Variants in DOP1B observed in about 807,000 individuals in gnomAD.
The protein encoded by DOP1B is protein DOP1B.
DOP1B carries 174 observed loss-of-function variants against 233.5 expected under a neutral mutation model. The ratio of observed to expected loss-of-function variants is 0.75; its 90% CI spans 0.66 to 0.85. The LOEUF (loss-of-function observed/expected upper bound fraction) is 0.85, where lower values mean the gene tolerates loss of function less well. DOP1B is among the 40% of genes least tolerant of loss of function. The pLI, the probability that DOP1B is intolerant of heterozygous loss-of-function variation, is 0.00. For missense variants in DOP1B, 2,652 were observed against 2,846.6 expected, an observed-to-expected ratio of 0.93 and a Z score of 1.56; for synonymous variants, 1,190 against 1,185.6, an observed-to-expected ratio of 1.00 and a Z score of -0.08.
chr21:36,218,619 A>T (rs1203010867), intron 9 of DOP1B, among the ~76,000 whole-genome samples: 2 of 152,186 alleles, frequency 1.3e-5, no homozygotes, highest in Non-Finnish European at 2.9e-5. Flanking sequence ...GTTTTGTGAA[A>T]AGAAGTGTAA....
intron 30 of DOP1B, 31 bp from the exon 31 acceptor site, chr21:36,280,254 T>C: frequency 1.3e-6 from 2 of 1,496,098 alleles, no homozygotes; most frequent in Non-Finnish European, 1.9e-6. Flanking sequence ...CCACTGCAAA[T>C]TTAATTGATT....
At chr21:36,260,252 GAGGA>G (rs897692933) in intron 23 of DOP1B, among the ~76,000 whole-genome samples, 7 of 95,014 alleles carry the variant, frequency 7.4e-5, no homozygotes, top group Non-Finnish European at 9.9e-5. Context: ...GGAAGGGAGG[GAGGA>G]AGGAAGGAAG....
At chr21:36,281,058 C>CT (rs1404999367) in intron 31 of DOP1B, among the ~76,000 whole-genome samples, 1 of 152,160 alleles carries the variant, frequency 6.6e-6, no homozygotes, top group Non-Finnish European at 1.5e-5. Context: ...AATCCCAGCA[C>CT]TTTGAGTGGC....
chr21:36,199,523 G>C (rs996071418), intron 3 of DOP1B, among the ~76,000 whole-genome samples: 2 of 151,876 alleles, frequency 1.3e-5, no homozygotes, highest in Admixed American at 1.3e-4. Flanking sequence ...TGCCATGTTG[G>C]TGTGCTGCAC....
chr21:36,234,872 A>G (rs2066808806), intron 15 of DOP1B, among the ~76,000 whole-genome samples: 2 of 151,950 alleles, frequency 1.3e-5, no homozygotes, highest in Admixed American at 1.3e-4. Context: ...GTAATATTGT[A>G]TATATATATG....
At chr21:36,176,097 C>CATGTGTGTGTGTGTGTGTGTGTGTGT (rs1555886144) in intron 2 of DOP1B, among the ~76,000 whole-genome samples, 4,051 of 141,804 alleles carry the variant, frequency 0.029, 101 homozygotes, top group Admixed American at 0.078. Flanking sequence ...GGTGTGTGTG[C>CATGTGTGTGTGTGTGTGTGTGTGTGT]GTGTGTGTGT....
At chr21:36,274,794 A>G (rs913148899) in intron 27 of DOP1B, among the ~76,000 whole-genome samples, 3 of 152,018 alleles carry the variant, frequency 2.0e-5, no homozygotes, top group Non-Finnish European at 4.4e-5. Flanking sequence ...CTAGTTGTCC[A>G]TAGGGCAGTA....
At chr21:36,197,194 A>C (rs951204412) in intron 2 of DOP1B, among the ~76,000 whole-genome samples, 5 of 152,120 alleles carry the variant, frequency 3.3e-5, no homozygotes, top group Non-Finnish European at 5.9e-5. Flanking sequence ...TGCCTCCCAA[A>C]GTGCCAGGAT....
intron 28 of DOP1B, 134 bp downstream of exon 28, chr21:36,277,234 C>T: frequency 2.4e-6 from 2 of 816,728 alleles, no homozygotes; most frequent in Non-Finnish European, 1.9e-6. Context: ...CATCAGGCAG[C>T]ATTGGCCTCA....
intron 18 of DOP1B, among the ~76,000 whole-genome samples, chr21:36,242,750 A>G (rs2066906404): frequency 6.6e-6 from 1 of 152,180 alleles, no homozygotes; most frequent in South Asian, 2.1e-4. Flanking sequence ...CTCTGAAAAA[A>G]ATGATAAGTG....
At chr21:36,211,302 G>C (rs2066494632) in intron 5 of DOP1B, among the ~76,000 whole-genome samples, 1 of 152,158 alleles carries the variant, frequency 6.6e-6, no homozygotes, top group African/African-American at 2.4e-5. Flanking sequence ...TGAGATCATA[G>C]AACCCGGCCA....
At chr21:36,194,310 G>T (rs2066264179) in intron 2 of DOP1B, among the ~76,000 whole-genome samples, 1 of 152,046 alleles carries the variant, frequency 6.6e-6, no homozygotes, top group East Asian at 1.9e-4. Context: ...AGATCACTCT[G>T]CTCTATGCTT....
intron 5 of DOP1B, among the ~76,000 whole-genome samples, chr21:36,210,064 G>C (rs999824377): frequency 3.3e-5 from 5 of 151,908 alleles, no homozygotes; most frequent in African/African-American, 1.2e-4. Context: ...TATCCCCTTT[G>C]TCTCTTTCTC....
intron 2 of DOP1B, among the ~76,000 whole-genome samples, chr21:36,176,675 G>C (rs924603433): frequency 6.6e-6 from 1 of 152,116 alleles, no homozygotes; most frequent in East Asian, 1.9e-4. Flanking sequence ...GGGAATTCTT[G>C]ACTGGCTTCA....
At chr21:36,218,590 C>G (rs182380456) in intron 9 of DOP1B, among the ~76,000 whole-genome samples, 1 of 152,134 alleles carries the variant, frequency 6.6e-6, no homozygotes, top group Non-Finnish European at 1.5e-5. Flanking sequence ...AAATAATTCT[C>G]TCAGAGGCAC....
At chr21:36,209,884 G>T (rs980090575) in intron 5 of DOP1B, among the ~76,000 whole-genome samples, 1 of 152,180 alleles carries the variant, frequency 6.6e-6, no homozygotes, top group African/African-American at 2.4e-5. Context: ...AAGATCTGCA[G>T]CTGAGTGTGA....
chr21:36,207,710 G>A (rs2066445762), intron 4 of DOP1B, among the ~76,000 whole-genome samples: 1 of 152,066 alleles, frequency 6.6e-6, no homozygotes, highest in Non-Finnish European at 1.5e-5. Flanking sequence ...CATTCCACCG[G>A]GTTGGTTTTT....
chr21:36,200,275 G>C, intron 3 of DOP1B, 56 bp from the exon 4 acceptor site: 1 of 1,505,522 alleles, frequency 6.6e-7, no homozygotes, highest in East Asian at 2.4e-5. Flanking sequence ...TTGTCACCTG[G>C]GACTTCTGAC....
chr21:36,208,915 T>C lies in DOP1B; in HGVS notation c.681+11T>C. The C allele has an allele frequency of 6.0e-6, 9 of 1,506,820 alleles. No homozygotes were observed. Among genetic ancestry groups the C allele is most frequent in the African/African-American group, 1.4e-5 (1 of 70,450 alleles). The allele number at this position is 1,506,820 out of a possible 1,614,324, so 93.3% of individuals were successfully genotyped here. A position where few individuals can be genotyped will look rare whatever the true frequency, so the allele number is the denominator to read the frequency against. On this transcript the variant is annotated intron_variant, in intron 5 of 36. Coordinates refer to ENST00000691173, the MANE Select transcript of DOP1B (RefSeq NM_001320714.2). ...AATCACCAACTCACGGTGGGTGCTGTGTTCCTCACAGGGCATGGGGAGGAG... is the reference window on the plus strand; with the variant it reads ...AATCACCAACTCACGGTGGGTGCTGCGTTCCTCACAGGGCATGGGGAGGAG...
Sources: gnomAD v4.1 joint callset for allele counts (sites outside exome capture counted in the v4.1 genomes callset) on GRCh38, gnomAD v4.1.1 for gene constraint, MANE v1.5 for transcripts, NCBI Gene and HGNC (gene_info 2026-07-23, HGNC 2026-07-21) for gene names.